Variants in FAS observed in about 807,000 individuals in gnomAD.
FAS encodes tumor necrosis factor receptor superfamily member 6.
In FAS, 5 loss-of-function variants were observed where a neutral mutation model predicts 33.2. That is an observed-to-expected ratio of 0.15 (90% CI 0.08 to 0.32). FAS has a LOEUF of 0.32. Ranked by LOEUF, FAS falls within the 10% of genes least tolerant of loss-of-function variation. FAS has a pLI of 1.00. For synonymous variants in FAS, 131 were observed against 130.7 expected (o/e 1.00, Z -0.01); for missense variants, 339 against 386.0 (o/e 0.88, Z 1.02).
chr10:88,985,563 C>A (rs1846854596), upstream of FAS, among the ~76,000 whole-genome samples: 1 of 152,200 alleles, frequency 6.6e-6, no homozygotes, highest in African/African-American at 2.4e-5. Flanking sequence ...TCCCTGTAGT[C>A]CTCCCTGCCC....
upstream of FAS, among the ~76,000 whole-genome samples, chr10:88,982,118 A>G (rs1846725976): frequency 6.6e-6 from 1 of 152,226 alleles, no homozygotes; most frequent in Non-Finnish European, 1.5e-5. Flanking sequence ...TTTGGTTCAA[A>G]CCCCAGCTCT....
At chr10:89,003,270 T>C in intron 2 of FAS, 76 bp downstream of exon 2, 1 of 1,548,962 alleles carries the variant, frequency 6.5e-7, no homozygotes, top group Non-Finnish European at 8.9e-7. Flanking sequence ...ATGACTATAA[T>C]AATTTTACAG....
chr10:88,997,216 G>T (rs1334041315), intron 1 of FAS, among the ~76,000 whole-genome samples: 2 of 152,178 alleles, frequency 1.3e-5, no homozygotes, highest in Admixed American at 1.3e-4. Context: ...CATTCTCAGA[G>T]ATCCTGATTC....
At chr10:88,978,423 A>C (rs1367949204) in intron 2 of FAS, among the ~76,000 whole-genome samples, 2 of 152,000 alleles carry the variant, frequency 1.3e-5, no homozygotes, top group Non-Finnish European at 2.9e-5. Flanking sequence ...ATAAATAAAT[A>C]AAATTTAAGA....
chr10:89,016,694 G>C lies in FAS; in HGVS notation c.*2244G>C, dbSNP rs192630045. ...GAATCATCCTCATTCTGGTGAACCT[G>C]GTTCTCTTTGTGGTGGGCATACTGG... is the stretch of plus-strand genomic sequence containing the variant. On this transcript the variant is annotated 3_prime_UTR_variant, in exon 9 of 9. Transcript: ENST00000652046. The C allele has an allele frequency of 2.7e-5, 6 of 223,862 alleles. No individual in the cohort carries two copies. The highest frequency in any genetic ancestry group is 5.4e-5 in the Non-Finnish European group (6 of 112,146). 13.9% of individuals were successfully genotyped at this position (223,862 alleles called of 1,614,324 possible).
intron 4 of FAS, among the ~76,000 whole-genome samples, 196 bp from the exon 5 acceptor site, chr10:89,010,340 TATG>T (rs1848461859): frequency 6.6e-6 from 1 of 152,236 alleles, no homozygotes; most frequent in Non-Finnish European, 1.5e-5. Context: ...AGTCATTCCT[TATG>T]ATATTTTTCA....
At chr10:88,980,869 C>A (rs1846694330) in intron 2 of FAS, among the ~76,000 whole-genome samples, 1 of 152,156 alleles carries the variant, frequency 6.6e-6, no homozygotes, top group African/African-American at 2.4e-5. Flanking sequence ...TTCCCAGACT[C>A]CAAATGCCAA....
chr10:89,003,317 G>GA, intron 2 of FAS, 123 bp downstream of exon 2: 1 of 995,490 alleles, frequency 1.0e-6, no homozygotes, highest in Non-Finnish European at 1.5e-6. Context: ...ATAACTGAGA[G>GA]AAAAACAACT....
chr10:88,965,606 A>C (rs924650909), intron 1 of FAS, among the ~76,000 whole-genome samples: 7 of 152,180 alleles, frequency 4.6e-5, no homozygotes, highest in Admixed American at 1.3e-4. Flanking sequence ...GCCAATGCAC[A>C]GAACAGAGGT....
intron 1 of FAS, among the ~76,000 whole-genome samples, chr10:88,994,687 G>T (rs1847476227): frequency 6.6e-6 from 1 of 151,754 alleles, no homozygotes; most frequent in Admixed American, 6.6e-5. Flanking sequence ...TATATAGTCT[G>T]TTTTTTGTTC....
At chr10:88,981,940 G>A (rs745771329), upstream of FAS, among the ~76,000 whole-genome samples, 15 of 152,166 alleles carry the variant, frequency 9.9e-5, no homozygotes, top group Non-Finnish European at 1.8e-4. Context: ...GAACTTGATC[G>A]AGTTACCTCT....
chr10:88,969,576 C>CT (rs914385695), intron 1 of FAS, among the ~76,000 whole-genome samples: 46 of 149,028 alleles, frequency 3.1e-4, no homozygotes, highest in South Asian at 6.4e-4. Context: ...ATCAAGATCA[C>CT]TTTTTTTTTT....
In FAS at chr10:89,012,524, G is replaced by C. The variant is rs553276744; in HGVS notation, c.651+443G>C. Among the ~76,000 whole-genome samples, 12 of 152,110 alleles carry C rather than the reference G, an allele frequency of 7.9e-5. No individual in the cohort carries two copies. In the South Asian group the frequency reaches 2.5e-3, roughly 32 times the overall value. On this transcript the variant is annotated intron_variant, in intron 7 of 8. Transcript: ENST00000652046. ...ATTGCTTGTGTTTGTGGGTGCATAG[G>C]TTAAAGGGGCCTCACAGATGAATTA...
At position 89,012,037 on chromosome 10, in the gene FAS, A is replaced by G; in HGVS notation, c.607A>G (p.Arg203Gly). The part of the protein sequence containing the change: ...KEVQKTCRKH[R>G]KENQGSHESP... ...AGTACAGAAAACATGCAGAAAGCAC[A>G]GAAAGGAAAACCAAGGTTCTCATGA... Residue 203 changes from arginine to glycine, a missense_variant, in exon 7 of 9, where the codon AGA becomes GGA. By Grantham distance (125) the Arg-to-Gly change is moderately radical. Coordinates refer to ENST00000652046, the MANE Select transcript of FAS (RefSeq NM_000043.6). The G allele has an allele frequency of 1.2e-6, 2 of 1,614,054 alleles. No individual in the cohort carries two copies. Among genetic ancestry groups the G allele is most frequent in the African/African-American group, 1.3e-5 (1 of 75,068 alleles).
Position 89,003,106 on chromosome 10 carries a change from A to C in FAS, c.108A>C (p.Glu36Asp). The C allele has an allele frequency of 6.2e-7, 1 of 1,614,114 alleles. No homozygotes were observed. The highest frequency in any genetic ancestry group is 1.1e-5 in the South Asian group (1 of 91,086). ...CTGACATCAACTCCAAGGGATTGGAATTGAGGAAGACTGTTACTACAGTTG... is the reference window on the plus strand; with the variant it reads ...CTGACATCAACTCCAAGGGATTGGACTTGAGGAAGACTGTTACTACAGTTG... ...QVTDINSKGL[E>D]LRKTVTTVET... The change falls in exon 2 of 9, where the codon GAA (glutamate) becomes GAC (aspartate). Residue 36 changes from glutamate (E) to aspartate (D), a missense_variant. Around this residue, in one of 3 missense-constraint regions of FAS, gnomAD observed 276 missense variants for 300.1 expected, o/e 0.92. Transcript: ENST00000652046.
chr10:88,968,858 C>T (rs912303346), intron 1 of FAS, among the ~76,000 whole-genome samples: 3 of 152,088 alleles, frequency 2.0e-5, no homozygotes, highest in Non-Finnish European at 4.4e-5. Context: ...CCTTTTAAAG[C>T]CTTCTTCTTG....
Position 89,008,757 on chromosome 10 carries a change from A to G in FAS, c.335-132A>G, listed in dbSNP as rs1441308007. 6 of 847,294 alleles carry G rather than the reference A, an allele frequency of 7.1e-6. No individual in the cohort carries two copies. The East Asian group carries it at 1.2e-4, about 17-fold the overall frequency. The allele number at this position is 847,294 out of a possible 1,614,324, so 52.5% of individuals were successfully genotyped here. On this transcript the variant is annotated intron_variant, in intron 3 of 8. Transcript: ENST00000652046. ...TGTTCTGTGTTTAAACACTGACTGT[A>G]TTACTGGTGTCATGCTGTGACTGTT...
At chr10:89,005,750 G>A (rs548521953) in intron 2 of FAS, among the ~76,000 whole-genome samples, 28 of 152,218 alleles carry the variant, frequency 1.8e-4, no homozygotes, top group Non-Finnish European at 3.8e-4. Context: ...CAATTCTGCA[G>A]CCTCAGCCTC....
intron 1 of FAS, among the ~76,000 whole-genome samples, chr10:88,996,456 G>A (rs965987188): frequency 7.9e-5 from 12 of 151,592 alleles, no homozygotes; most frequent in Non-Finnish European, 1.5e-4. Flanking sequence ...AAAGTTGGGG[G>A]ATTTAGGGAG....
Sources: gnomAD v4.1 joint callset for allele counts (sites outside exome capture counted in the v4.1 genomes callset) on GRCh38, gnomAD v4.1.1 for gene constraint, gnomAD v4.1.1 regional missense constraint, MANE v1.5 for transcripts, NCBI Gene and HGNC (gene_info 2026-07-23, HGNC 2026-07-21) for gene names.